The following SGSM1 variants were observed in gnomAD, a reference collection of about 807,000 sequenced individuals.
SGSM1 encodes small G protein signaling modulator 1.
Under a neutral mutation model 133.8 loss-of-function variants are expected in SGSM1, and 73 were observed. The ratio of observed to expected loss-of-function variants is 0.55; its 90% CI spans 0.45 to 0.66. The LOEUF (loss-of-function observed/expected upper bound fraction) is 0.66. Among genes scored for constraint, SGSM1 ranks in the 30% least tolerant of loss-of-function variants. The probability of loss-of-function intolerance (pLI) is 0.00; values close to 1 mark genes in which losing one functional copy is unlikely to be tolerated. For synonymous variants in SGSM1, 563 were observed against 573.0 expected, an observed-to-expected ratio of 0.98 and a Z score of 0.25; for missense variants, 1,213 against 1,448.1, an observed-to-expected ratio of 0.84 and a Z score of 2.64.
intron 21 of SGSM1, among the ~76,000 whole-genome samples, chr22:24,908,574 G>A (rs1209154304): frequency 1.3e-5 from 2 of 152,046 alleles, no homozygotes; most frequent in Non-Finnish European, 2.9e-5. Context: ...AGGCCGAGGC[G>A]GGCAGATCAC....
At chr22:24,888,549 C>G (rs1932740079) in intron 16 of SGSM1, among the ~76,000 whole-genome samples, 1 of 152,072 alleles carries the variant, frequency 6.6e-6, no homozygotes, top group African/African-American at 2.4e-5. Context: ...AGGTGGATCA[C>G]CTGAGGTCAG....
intron 2 of SGSM1, among the ~76,000 whole-genome samples, chr22:24,812,062 C>T (rs761970753): frequency 8.7e-5 from 13 of 148,852 alleles, no homozygotes; most frequent in Admixed American, 1.4e-4. Context: ...CTCAGCTACT[C>T]GGGATGCTGA....
rs377055129 is a variant in SGSM1, at chr22:24,874,306, G to A, written c.1292-2271G>A. 57 of 1,150,264 alleles carry A rather than the reference G, an allele frequency of 5.0e-5. 1 individual carries two copies. The highest frequency in any genetic ancestry group is 2.8e-4 in the South Asian group (17 of 60,796). The allele number at this position is 1,150,264 out of a possible 1,614,324, so 71.3% of individuals were successfully genotyped here. Reference sequence around the variant, plus strand: ...GTGAATGTGGGAGCTGTGTGGAGCCGGGAAGGGGGAGGGTTGGAGCCCCCA... The same window carrying A: ...GTGAATGTGGGAGCTGTGTGGAGCCAGGAAGGGGGAGGGTTGGAGCCCCCA... On this transcript the variant is annotated intron_variant, in intron 12 of 24. Transcript: ENST00000400358.
intron 2 of SGSM1, among the ~76,000 whole-genome samples, chr22:24,831,937 A>C (rs1344544200): frequency 2.0e-5 from 3 of 152,322 alleles, no homozygotes; most frequent in South Asian, 2.1e-4. Context: ...GTGTTGTATC[A>C]CTGAGTCCTA....
At chr22:24,914,753 G>C (rs946416968) in intron 22 of SGSM1, among the ~76,000 whole-genome samples, 2 of 152,094 alleles carry the variant, frequency 1.3e-5, no homozygotes, top group African/African-American at 4.8e-5. Flanking sequence ...TGAGAGGCTC[G>C]TCAACCACGG....
At chr22:24,892,909 A>G (rs1436926989) in intron 16 of SGSM1, among the ~76,000 whole-genome samples, 2 of 150,958 alleles carry the variant, frequency 1.3e-5, no homozygotes, top group East Asian at 3.9e-4. Context: ...AAAAATACAA[A>G]AATTAGCTGG....
chr22:24,886,061 G>A (rs778682002), intron 15 of SGSM1, among the ~76,000 whole-genome samples: 1 of 152,166 alleles, frequency 6.6e-6, no homozygotes, highest in Non-Finnish European at 1.5e-5. Flanking sequence ...GTGCACAGAA[G>A]TTGAGGAATA....
chr22:24,867,044 A>T, intron 9 of SGSM1, 49 bp from the exon 10 acceptor site: 1 of 1,591,876 alleles, frequency 6.3e-7, no homozygotes. Context: ...CCCTCCGCAC[A>T]GTGGGGTAGG....
intron 2 of SGSM1, among the ~76,000 whole-genome samples, chr22:24,832,693 A>G (rs1929188351): frequency 6.6e-6 from 1 of 152,216 alleles, no homozygotes; most frequent in Admixed American, 6.5e-5. Flanking sequence ...TGGTGGTGCC[A>G]TCAGTGGATC....
At position 24,806,518 on chromosome 22, in the gene SGSM1, C is replaced by T. The variant is rs779141957; in HGVS notation, c.63+34C>T. The T allele has an allele frequency of 9.4e-6, 14 of 1,485,386 alleles. 1 individual carries two copies. The South Asian group carries it at 1.3e-4, about 14-fold the overall frequency. The allele number at this position is 1,485,386 out of a possible 1,614,324, so 92.0% of individuals were successfully genotyped here. The stretch of plus-strand genomic sequence containing the variant: ...CGGGGTGGGGGCACTGGGCAGGACT[C>T]CCCCGGCAGCAGCGGCCAAACGGGA... On this transcript the variant is annotated intron_variant, in intron 2 of 24. Coordinates refer to ENST00000400358, the MANE Select transcript of SGSM1 (RefSeq NM_001098497.3).
chr22:24,847,942 G>A, intron 4 of SGSM1, 146 bp downstream of exon 4: 1 of 1,145,590 alleles, frequency 8.7e-7, no homozygotes, highest in Non-Finnish European at 1.2e-6. Context: ...TCCCACCCCA[G>A]GGTCTTTGCA....
At chr22:24,833,773 C>T (rs761259537) in intron 2 of SGSM1, among the ~76,000 whole-genome samples, 8 of 152,098 alleles carry the variant, frequency 5.3e-5, no homozygotes, top group East Asian at 1.9e-4. Context: ...GGAAGAGGCA[C>T]GACAAAGGAA....
At chr22:24,835,946 T>C (rs1929402514) in intron 2 of SGSM1, among the ~76,000 whole-genome samples, 1 of 152,246 alleles carries the variant, frequency 6.6e-6, no homozygotes, top group African/African-American at 2.4e-5. Context: ...ATATACCATA[T>C]GCACATTTTA....
chr22:24,861,478 A>G (rs541354742), intron 9 of SGSM1, among the ~76,000 whole-genome samples: 6 of 152,208 alleles, frequency 3.9e-5, no homozygotes, highest in African/African-American at 1.4e-4. Context: ...TTCAGCTCCA[A>G]CTAGACCCTG....
chr22:24,890,397 G>T (rs1932795082), intron 16 of SGSM1, among the ~76,000 whole-genome samples: 1 of 151,784 alleles, frequency 6.6e-6, no homozygotes, highest in South Asian at 2.1e-4. Flanking sequence ...CCATCACCCA[G>T]CTTTCCCCAG....
chr22:24,900,547 G>T (rs1933118490), intron 19 of SGSM1, among the ~76,000 whole-genome samples: 1 of 151,776 alleles, frequency 6.6e-6, no homozygotes, highest in African/African-American at 2.4e-5. Flanking sequence ...TTACAAGCAC[G>T]CACCCACGCC....
intron 18 of SGSM1, among the ~76,000 whole-genome samples, chr22:24,896,529 T>C (rs906058189): frequency 2.0e-5 from 3 of 152,090 alleles, no homozygotes; most frequent in Non-Finnish European, 4.4e-5. Context: ...GAGATTTTTT[T>C]CATAGTATTT....
chr22:24,909,486 C>T (rs907173810), intron 21 of SGSM1, among the ~76,000 whole-genome samples: 5 of 151,946 alleles, frequency 3.3e-5, no homozygotes, highest in South Asian at 4.2e-4. Flanking sequence ...GATGGAGTCT[C>T]ATCCTGTCAC....
intron 21 of SGSM1, among the ~76,000 whole-genome samples, chr22:24,909,222 C>A (rs1027848721): frequency 7.9e-5 from 12 of 152,088 alleles, no homozygotes; most frequent in Middle Eastern, 6.3e-3. Flanking sequence ...AAATTGTCTT[C>A]CAGGAAACTG....
Sources: allele counts gnomAD v4.1 joint callset (sites outside exome capture counted in the v4.1 genomes callset), GRCh38; gene constraint gnomAD v4.1.1; transcripts MANE v1.5; gene names NCBI Gene and HGNC (gene_info 2026-07-23, HGNC 2026-07-21).